Variants in ZNF57 observed in about 807,000 individuals in gnomAD.
The protein encoded by ZNF57 is zinc finger protein 424.
Under a neutral mutation model 13.4 loss-of-function variants are expected in ZNF57, and 11 were observed. The observed-to-expected ratio is 0.82, with a 90% confidence interval of 0.52 to 1.36. The LOEUF (loss-of-function observed/expected upper bound fraction) is 1.36, where lower values mean the gene tolerates loss of function less well. Ranked by LOEUF, ZNF57 falls within the 40% of genes most tolerant of loss-of-function variation. The pLI is 0.00. For missense variants in ZNF57, 696 were observed against 667.5 expected (o/e 1.04, Z -0.47); for synonymous variants, 224 against 238.5 (o/e 0.94, Z 0.56).
At chr19:2,914,548 C>T (rs1330339421) in intron 1 of ZNF57, among the ~76,000 whole-genome samples, 2 of 152,230 alleles carry the variant, frequency 1.3e-5, no homozygotes, top group African/African-American at 4.8e-5. Context: ...AGCCACTGCA[C>T]CCGGCCACTA....
In ZNF57 at chr19:2,918,248, TG is replaced by T; in HGVS notation, c.1628del (p.Cys543SerfsTer27). On this transcript the variant is annotated frameshift_variant, in exon 4 of 4. Coordinates refer to ENST00000306908, the MANE Select transcript of ZNF57 (RefSeq NM_173480.3). LOFTEE classifies it low-confidence loss of function (END_TRUNC). ...ECQSYSKAFS[C>X]QVILSKTSES... ...TCAGTCATACTCAAAAGCCTTCAGT[TG>T]CCAAGTCATTCTTTCTAAAACCAGT... is the stretch of plus-strand genomic sequence containing the variant. 6.2e-7 allele frequency: 1 copy of T among 1,611,866 alleles called. No individual in the cohort carries two copies. Among genetic ancestry groups the T allele is most frequent in the Non-Finnish European group, 8.5e-7 (1 of 1,178,648 alleles).
At chr19:2,912,311 GT>G (rs2088145316) in intron 1 of ZNF57, 1 of 152,198 alleles carries the variant, frequency 6.6e-6, no homozygotes, top group East Asian at 1.9e-4. Flanking sequence ...TGATCAAATA[GT>G]TTTAAGGGAA....
chr19:2,915,801 A>T, intron 2 of ZNF57, 153 bp downstream of exon 2: 1 of 1,274,754 alleles, frequency 7.8e-7, no homozygotes, highest in Non-Finnish European at 1.1e-6. Context: ...CCTAACAGTG[A>T]AAACATGTGT....
Position 2,915,572 on chromosome 19 carries a change from G to A in ZNF57, c.54G>A (p.Trp18Ter). ...CTGTGGACTTCACCCTGGAGGAGTG[G>A]GCTTTGCTGGATTCTGCTCAGAGGG... is the stretch of plus-strand genomic sequence containing the variant. The part of the protein sequence containing the change: ...DVAVDFTLEE[W>*]ALLDSAQRDL... Residue 18 changes from tryptophan (W) to a stop codon, truncating the protein, a stop_gained, in exon 2 of 4, where the codon TGG (tryptophan) becomes TGA (stop). Transcript: ENST00000306908. LOFTEE classifies it high-confidence loss of function. 1.2e-6 allele frequency: 2 copies of A among 1,614,080 alleles called. No homozygotes were observed. Among genetic ancestry groups the A allele is most frequent in the Non-Finnish European group, 1.7e-6 (2 of 1,179,954 alleles).
chr19:2,905,407 G>GCCCCCCACCCC lies in ZNF57; in HGVS notation c.3+4365_3+4366insACCCCCCCCCC, dbSNP rs2088064580. On this transcript the variant is annotated intron_variant, in intron 1 of 3. Transcript: ENST00000306908. Reference sequence around the variant, plus strand: ...CTCGAACTCTTGACTTCAGGTGATCGCCCCCCCCCCCTCGGCATTCCAAAG... The same window carrying GCCCCCCACCCC: ...CTCGAACTCTTGACTTCAGGTGATCGCCCCCCACCCCCCCCCCCCCCCTCGGCATTCCAAAG... 5.7e-5 allele frequency among the ~76,000 whole-genome samples: 2 copies of GCCCCCCACCCC among 34,818 alleles called. 1 individual carries two copies. The highest frequency in any genetic ancestry group is 6.7e-4 in the Admixed American group (2 of 2,988). 22.8% of individuals were successfully genotyped at this position (34,818 alleles called of 152,430 possible).
chr19:2,917,089 A>G lies in ZNF57; in HGVS notation c.468A>G (p.Lys156=), dbSNP rs1351501561. Residue 156 remains lysine (K), a synonymous_variant, in exon 4 of 4, where the codon AAA becomes AAG. Transcript: ENST00000306908. ...RTVFTHLSSL[K]RHVKSHCGRK... is the part of the protein sequence containing the mutation. ...TCTTCACGCATCTTTCTTCTCTTAA[A>G]AGGCACGTCAAGTCTCACTGTGGAC... is the stretch of plus-strand genomic sequence containing the variant. 6.2e-7 allele frequency: 1 copy of G among 1,614,162 alleles called. No individual in the cohort carries two copies. The highest frequency in any genetic ancestry group is 8.5e-7 in the Non-Finnish European group (1 of 1,180,004).
Position 2,917,926 on chromosome 19 carries a change from T to G in ZNF57, c.1305T>G (p.Phe435Leu), listed in dbSNP as rs1252133553. The G allele has an allele frequency of 3.9e-5, 63 of 1,602,592 alleles. No individual in the cohort carries two copies. The highest frequency in any genetic ancestry group is 5.3e-5 in the Non-Finnish European group (62 of 1,175,894). ...CGKTFTWSSTFREHVRIHTQE... is the reference protein window; with the variant it reads ...CGKTFTWSSTLREHVRIHTQE... ...AAACCTTCACTTGGTCCTCAACGTTTAGAGAACATGTGAGAATTCACACGC... is the reference window on the plus strand; with the variant it reads ...AAACCTTCACTTGGTCCTCAACGTTGAGAGAACATGTGAGAATTCACACGC... Residue 435 changes from phenylalanine to leucine, a missense_variant, in exon 4 of 4, where the codon TTT (phenylalanine) becomes TTG (leucine). Phe to Leu is a conservative substitution (Grantham distance 22). Around this residue, in one of 3 missense-constraint regions of ZNF57, gnomAD observed 645 missense variants for 591.5 expected, o/e 1.09. Coordinates refer to ENST00000306908, the MANE Select transcript of ZNF57 (RefSeq NM_173480.3).
At chr19:2,914,263 T>A (rs970738449) in intron 1 of ZNF57, among the ~76,000 whole-genome samples, 5 of 152,224 alleles carry the variant, frequency 3.3e-5, no homozygotes, top group African/African-American at 1.2e-4. Flanking sequence ...TTATTTATTT[T>A]TTTGAGTCTT....
chr19:2,906,178 G>A (rs2088073936), intron 1 of ZNF57, among the ~76,000 whole-genome samples: 1 of 152,170 alleles, frequency 6.6e-6, no homozygotes, highest in Non-Finnish European at 1.5e-5. Flanking sequence ...TCAGCCTCCT[G>A]AGTAGCTGGG....
intron 1 of ZNF57, among the ~76,000 whole-genome samples, chr19:2,913,083 A>G (rs556578692): frequency 3.1e-4 from 47 of 152,198 alleles, no homozygotes; most frequent in African/African-American, 1.1e-3. Flanking sequence ...CCTCCTGAGT[A>G]GCTGGGATTA....
chr19:2,902,228 G>A (rs1339302124), intron 1 of ZNF57, among the ~76,000 whole-genome samples: 3 of 151,756 alleles, frequency 2.0e-5, no homozygotes, highest in Non-Finnish European at 4.4e-5. Flanking sequence ...CGACCTCAGC[G>A]GTGGGAGTTA....
intron 1 of ZNF57, 143 bp from the exon 2 acceptor site, chr19:2,915,379 G>T: frequency 8.8e-7 from 1 of 1,132,002 alleles, no homozygotes; most frequent in Non-Finnish European, 1.2e-6. Flanking sequence ...AAGTGATTGT[G>T]AATAAGTAAA....
chr19:2,916,147 A>G lies in ZNF57; in HGVS notation c.200A>G (p.Lys67Arg), dbSNP rs762206627. 3 of 1,613,932 alleles carry G rather than the reference A, an allele frequency of 1.9e-6. No homozygotes were observed. The highest frequency in any genetic ancestry group is 2.5e-6 in the Non-Finnish European group (3 of 1,180,014). The change falls in exon 3 of 4, where the codon AAG becomes AGG. Residue 67 changes from lysine to arginine, a missense_variant. Physicochemically the swap from Lys to Arg is conservative, Grantham distance 26 (BLOSUM62 2). Coordinates refer to ENST00000306908, the MANE Select transcript of ZNF57 (RefSeq NM_173480.3). ...GATATGTACGGGCAAGAAAAATCTA[A>G]GGAACAGACAATACCAAACTTCACA... The part of the protein sequence containing the change: ...LQDMYGQEKS[K>R]EQTIPNFTGN...
intron 1 of ZNF57, among the ~76,000 whole-genome samples, chr19:2,912,761 T>A (rs1281559258): frequency 1.3e-5 from 2 of 152,200 alleles, no homozygotes; most frequent in Non-Finnish European, 2.9e-5. Flanking sequence ...CATTTTACAT[T>A]CCCACCAGCA....
At chr19:2,901,145 G>T in intron 1 of ZNF57, 97 bp downstream of exon 1, 2 of 1,447,970 alleles carry the variant, frequency 1.4e-6, no homozygotes, top group South Asian at 2.7e-5. Context: ...GATTGGCTGA[G>T]GGACGCGCGG....
At chr19:2,907,641 C>G (rs1044336434) in intron 1 of ZNF57, among the ~76,000 whole-genome samples, 3 of 152,170 alleles carry the variant, frequency 2.0e-5, no homozygotes, top group Non-Finnish European at 4.4e-5. Flanking sequence ...TAAGCCTTCA[C>G]CCTGTTCTTC....
chr19:2,917,788 G>T lies in ZNF57; in HGVS notation c.1167G>T (p.Glu389Asp), dbSNP rs747038694. ...FREHVRIHTQ[E>D]QLYKCEQCGK... Reference sequence around the variant, plus strand: ...AACATGTGAGAATTCACACGCAAGAGCAGCTCTATAAATGTGAACAATGTG... The same window carrying T: ...AACATGTGAGAATTCACACGCAAGATCAGCTCTATAAATGTGAACAATGTG... Residue 389 changes from glutamate to aspartate, a missense_variant, in exon 4 of 4, where the codon GAG (glutamate) becomes GAT (aspartate). By Grantham distance (45) the Glu-to-Asp change is conservative (BLOSUM62 2). Coordinates refer to ENST00000306908, the MANE Select transcript of ZNF57 (RefSeq NM_173480.3). The T allele has an allele frequency of 6.2e-7, 1 of 1,603,278 alleles. No individual in the cohort carries two copies. Among genetic ancestry groups the T allele is most frequent in the African/African-American group, 1.4e-5 (1 of 73,532 alleles).
At position 2,917,601 on chromosome 19, in the gene ZNF57, T is replaced by G; in HGVS notation, c.980T>G (p.Met327Arg). 1 of 1,613,316 alleles carries G rather than the reference T, an allele frequency of 6.2e-7. No individual in the cohort carries two copies. The highest frequency in any genetic ancestry group is 1.7e-5 in the Admixed American group (1 of 59,894). Residue 327 changes from methionine (M) to arginine (R), a missense_variant, in exon 4 of 4, where the codon ATG becomes AGG. Physicochemically the swap from Met to Arg is moderately conservative, Grantham distance 91. This residue lies in a region of ZNF57 where 645 missense variants were observed against 591.5 expected (regional missense o/e 1.09). Transcript: ENST00000306908. ...TGGTCTGAAACCTTGCGAGTCCACA[T>G]GAGGATCCACACTGGGGACAAACTC... is the stretch of plus-strand genomic sequence containing the variant. ...FSWSETLRVH[M>R]RIHTGDKLYK...
intron 1 of ZNF57, among the ~76,000 whole-genome samples, chr19:2,914,419 A>T (rs1003866162): frequency 6.6e-6 from 1 of 152,074 alleles, no homozygotes; most frequent in Admixed American, 6.6e-5. Context: ...CATGCCCAGC[A>T]AAATTTGTAT....
Sources: allele counts gnomAD v4.1 joint callset (sites outside exome capture counted in the v4.1 genomes callset), GRCh38; gene constraint gnomAD v4.1.1; regional missense constraint gnomAD v4.1.1; transcripts MANE v1.5; gene names NCBI Gene and HGNC (gene_info 2026-07-23, HGNC 2026-07-21).